Variants in MAP2K6 observed in about 807,000 individuals in gnomAD.
MAP2K6 encodes the protein dual specificity mitogen-activated protein kinase kinase 6.
MAP2K6 carries 16 observed loss-of-function variants against 53.7 expected under a neutral mutation model. The observed-to-expected ratio is 0.30, with a 90% confidence interval of 0.20 to 0.45. MAP2K6 has a LOEUF of 0.45. MAP2K6 is among the 20% of genes least tolerant of loss of function. The pLI, the probability that MAP2K6 is intolerant of heterozygous loss-of-function variation, is 1.00. For synonymous variants in MAP2K6, 132 were observed against 143.1 expected, an observed-to-expected ratio of 0.92 and a Z score of 0.55; for missense variants, 204 against 411.9, an observed-to-expected ratio of 0.50 and a Z score of 4.37.
rs529177869 is a variant in MAP2K6, at chr17:69,527,297, G to A, written c.881+588G>A. 3.3e-5 allele frequency among the ~76,000 whole-genome samples: 5 copies of A among 152,302 alleles called. No homozygotes were observed. The East Asian group carries it at 9.7e-4, about 29-fold the overall frequency. On this transcript the variant is annotated intron_variant, in intron 10 of 11. Coordinates refer to ENST00000590474, the MANE Select transcript of MAP2K6 (RefSeq NM_002758.4). ...TTCTTAGGTCCCCAGAAGTCTTGTAGAACCTTGGTTGCTACTGAATACTTG... is the reference window on the plus strand; with the variant it reads ...TTCTTAGGTCCCCAGAAGTCTTGTAAAACCTTGGTTGCTACTGAATACTTG...
rs1213950420 is a variant in MAP2K6, at chr17:69,544,685, A to G, written c.*2932A>G. 6.6e-6 allele frequency: 1 copy of G among 152,246 alleles called. No homozygotes were observed. The highest frequency in any genetic ancestry group is 2.4e-5 in the African/African-American group (1 of 41,474). The allele number at this position is 152,246 out of a possible 1,614,324, so 9.4% of individuals were successfully genotyped here. ...ATAATTTTTGAAAATGTTTATTAAA[A>G]TAGCCATCTTTTTTGATATTATTGG... On this transcript the variant is annotated 3_prime_UTR_variant, in exon 12 of 12. Coordinates refer to ENST00000590474, the MANE Select transcript of MAP2K6 (RefSeq NM_002758.4).
At chr17:69,514,559 T>G (rs1354321948) in intron 2 of MAP2K6, among the ~76,000 whole-genome samples, 1 of 151,898 alleles carries the variant, frequency 6.6e-6, no homozygotes, top group Non-Finnish European at 1.5e-5. Flanking sequence ...GTATTTCTCT[T>G]TTTTTTTGTT....
intron 1 of MAP2K6, among the ~76,000 whole-genome samples, chr17:69,425,559 C>T (rs1225413395): frequency 6.6e-6 from 1 of 152,176 alleles, no homozygotes; most frequent in African/African-American, 2.4e-5. Flanking sequence ...GATTCGCCCG[C>T]CTCGGCCTCC....
At chr17:69,432,610 G>A (rs192775898) in intron 1 of MAP2K6, among the ~76,000 whole-genome samples, 27 of 151,176 alleles carry the variant, frequency 1.8e-4, no homozygotes, top group Admixed American at 4.0e-4. Flanking sequence ...CAATGAGAAC[G>A]CATGGACACA....
chr17:69,473,776 A>C (rs1908053650), intron 1 of MAP2K6, among the ~76,000 whole-genome samples: 1 of 152,204 alleles, frequency 6.6e-6, no homozygotes, highest in Admixed American at 6.5e-5. Flanking sequence ...TAAAATGTAA[A>C]AATGTGTTCA....
intron 1 of MAP2K6, among the ~76,000 whole-genome samples, chr17:69,463,483 CAT>C (rs1907691959): frequency 6.7e-6 from 1 of 149,486 alleles, no homozygotes; most frequent in African/African-American, 2.5e-5. Flanking sequence ...TATATACACA[CAT>C]ATATGCACAC....
intron 1 of MAP2K6, among the ~76,000 whole-genome samples, chr17:69,420,557 T>G (rs1041734632): frequency 1.4e-4 from 22 of 152,340 alleles, no homozygotes; most frequent in African/African-American, 5.3e-4. Flanking sequence ...TTTAGAGCTA[T>G]GAAAGTTTTA....
chr17:69,531,698 T>C (rs557993108), intron 10 of MAP2K6, among the ~76,000 whole-genome samples: 1 of 152,284 alleles, frequency 6.6e-6, no homozygotes, highest in African/African-American at 2.4e-5. Flanking sequence ...AAACCCACAA[T>C]GGTTTCTTAC....
At chr17:69,448,916 G>T (rs1211075775) in intron 1 of MAP2K6, among the ~76,000 whole-genome samples, 2 of 152,244 alleles carry the variant, frequency 1.3e-5, no homozygotes, top group Non-Finnish European at 2.9e-5. Context: ...GTTAGTAGGT[G>T]TAGGGCTGGC....
chr17:69,542,418 T>C lies in MAP2K6; in HGVS notation c.*665T>C, dbSNP rs148728880. On this transcript the variant is annotated 3_prime_UTR_variant, in exon 12 of 12. Transcript: ENST00000590474. ...CAATCCTGGGTGATCACCACATCTT[T>C]TAGGGGAAGTGACAAGATGCTCTGG... The C allele has an allele frequency of 6.5e-6, 1 of 152,716 alleles. No homozygotes were observed. The highest frequency in any genetic ancestry group is 1.9e-4 in the East Asian group (1 of 5,188). The allele number at this position is 152,716 out of a possible 1,614,324, so 9.5% of individuals were successfully genotyped here.
At chr17:69,419,892 TG>T (rs1295280909) in intron 1 of MAP2K6, among the ~76,000 whole-genome samples, 4 of 145,686 alleles carry the variant, frequency 2.7e-5, no homozygotes, top group Non-Finnish European at 6.0e-5. Context: ...GTAGCCTGGG[TG>T]ACAGAGCCAG....
chr17:69,552,341 G>A lies in MAP2K6; in HGVS notation c.*10588G>A, dbSNP rs1055440519. ...CAAAACCCACCTCCAGCACTTCAAAGTAGTGTCTCTGGAGAGTTTAAAATA... is the reference window on the plus strand; with the variant it reads ...CAAAACCCACCTCCAGCACTTCAAAATAGTGTCTCTGGAGAGTTTAAAATA... On this transcript the variant is annotated 3_prime_UTR_variant, in exon 12 of 12. Coordinates refer to ENST00000590474, the MANE Select transcript of MAP2K6 (RefSeq NM_002758.4). 6.6e-6 allele frequency: 1 copy of A among 152,314 alleles called. No individual in the cohort carries two copies. Among genetic ancestry groups the A allele is most frequent in the East Asian group, 1.9e-4 (1 of 5,184 alleles). The allele number at this position is 152,314 out of a possible 1,614,324, so 9.4% of individuals were successfully genotyped here.
intron 1 of MAP2K6, chr17:69,477,545 C>T (rs771537754): frequency 1.3e-5 from 2 of 152,160 alleles, no homozygotes; most frequent in African/African-American, 2.4e-5. Flanking sequence ...AAGGCTGCAT[C>T]GGGGACTGAA....
intron 1 of MAP2K6, among the ~76,000 whole-genome samples, chr17:69,444,547 C>G (rs1251013214): frequency 6.6e-6 from 1 of 152,152 alleles, no homozygotes; most frequent in Non-Finnish European, 1.5e-5. Flanking sequence ...ACCACCAGTT[C>G]ACCAAACTGC....
rs1486900778 is a variant in MAP2K6, at chr17:69,544,977, A to C, written c.*3224A>C. The C allele has an allele frequency of 6.6e-6, 1 of 152,204 alleles. No homozygotes were observed. Among genetic ancestry groups the C allele is most frequent in the African/African-American group, 2.4e-5 (1 of 41,452 alleles). The allele number at this position is 152,204 out of a possible 1,614,324, so 9.4% of individuals were successfully genotyped here. A position where few individuals can be genotyped will look rare whatever the true frequency, so the allele number is the denominator to read the frequency against. On this transcript the variant is annotated 3_prime_UTR_variant, in exon 12 of 12. Transcript: ENST00000590474. ...TTTGCTTTTTACAAAAATCCTTAGC[A>C]GATGTTTCCCTCTTTGATTTACCTG...
At chr17:69,452,371 C>G (rs1907260240) in intron 1 of MAP2K6, among the ~76,000 whole-genome samples, 2 of 152,084 alleles carry the variant, frequency 1.3e-5, no homozygotes, top group African/African-American at 4.8e-5. Context: ...TGCCTACCTT[C>G]TCTGTTCCTG....
At position 69,521,031 on chromosome 17, in the gene MAP2K6, C is replaced by T; in HGVS notation, c.484-18C>T. 1 of 1,581,282 alleles carries T rather than the reference C, an allele frequency of 6.3e-7. No homozygotes were observed. Among genetic ancestry groups the T allele is most frequent in the Non-Finnish European group, 8.6e-7 (1 of 1,157,172 alleles). Reference sequence around the variant, plus strand: ...CCAGCAATGTGATAAATAAATCTATCTTGTGTTTCTCTTGCAGATTGTAAA... The same window carrying T: ...CCAGCAATGTGATAAATAAATCTATTTTGTGTTTCTCTTGCAGATTGTAAA... On this transcript the variant is annotated intron_variant, in intron 6 of 11. Coordinates refer to ENST00000590474, the MANE Select transcript of MAP2K6 (RefSeq NM_002758.4).
intron 7 of MAP2K6, chr17:69,521,302 G>C (rs1267248746): frequency 2.3e-6 from 1 of 433,856 alleles, no homozygotes; most frequent in African/African-American, 2.0e-5. Context: ...AAGAAGACGT[G>C]ATCTTTGTCT....
In MAP2K6 at chr17:69,551,318, G is replaced by A. The variant is rs1042706479; in HGVS notation, c.*9565G>A. 6.6e-6 allele frequency: 1 copy of A among 152,248 alleles called. No individual in the cohort carries two copies. Among genetic ancestry groups the A allele is most frequent in the Non-Finnish European group, 1.5e-5 (1 of 68,092 alleles). 9.4% of individuals were successfully genotyped at this position (152,248 alleles called of 1,614,324 possible). On this transcript the variant is annotated 3_prime_UTR_variant, in exon 12 of 12. Coordinates refer to ENST00000590474, the MANE Select transcript of MAP2K6 (RefSeq NM_002758.4). The stretch of plus-strand genomic sequence containing the variant: ...TGCCTTTTGCAAAGGTGTTGTAGGT[G>A]GAGAAGGGTAATGGAAACCTGGTAC...
Sources: allele counts gnomAD v4.1 joint callset (sites outside exome capture counted in the v4.1 genomes callset), GRCh38; gene constraint gnomAD v4.1.1; transcripts MANE v1.5; gene names NCBI Gene and HGNC (gene_info 2026-07-23, HGNC 2026-07-21).